C7orf78: variants seen among roughly 807,000 people sequenced by gnomAD.
C7orf78 encodes putative uncharacterized protein C7orf78.
At chr7:12,529,563 C>T in the C7orf78 span, among the ~76,000 whole-genome samples, 1 of 152,136 alleles carries the variant, frequency 6.6e-6, no homozygotes, top group African/African-American at 2.4e-5. Context: ...ACATGTGGCC[C>T]AAGGTGGTTA....
At chr7:12,536,895 G>A in the C7orf78 span, among the ~76,000 whole-genome samples, 1 of 152,216 alleles carries the variant, frequency 6.6e-6, no homozygotes, top group East Asian at 1.9e-4. Flanking sequence ...CTCCTTCTGA[G>A]ACGACCTCAG....
the C7orf78 span, among the ~76,000 whole-genome samples, chr7:12,520,031 G>A: frequency 1.3e-5 from 2 of 152,148 alleles, no homozygotes; most frequent in Non-Finnish European, 1.5e-5. Context: ...GGTTAATGTG[G>A]GTACAGGAGC....
At chr7:12,523,693 G>A in the C7orf78 span, among the ~76,000 whole-genome samples, 2 of 152,190 alleles carry the variant, frequency 1.3e-5, no homozygotes, top group South Asian at 4.1e-4. Flanking sequence ...GGCTTTCTTA[G>A]GTTTCAAGAG....
chr7:12,494,967 C>G, the C7orf78 span, among the ~76,000 whole-genome samples: 6 of 152,186 alleles, frequency 3.9e-5, no homozygotes, highest in Admixed American at 3.3e-4. Context: ...CAGTTGACAT[C>G]CAAACTCAGT....
At chr7:12,531,089 G>C in the C7orf78 span, 18 of 398,276 alleles carry the variant, frequency 4.5e-5, no homozygotes, top group Middle Eastern at 1.2e-3. Context: ...ATATGCAAGA[G>C]CAGGTGGGCA....
At chr7:12,537,579 G>A in the C7orf78 span, among the ~76,000 whole-genome samples, 1 of 152,162 alleles carries the variant, frequency 6.6e-6, no homozygotes, top group Non-Finnish European at 1.5e-5. Context: ...AAAGTTGGAT[G>A]TATACATACA....
chr7:12,534,948 A>G, the C7orf78 span, among the ~76,000 whole-genome samples: 2 of 142,654 alleles, frequency 1.4e-5, no homozygotes. Flanking sequence ...CCCTGTCTCA[A>G]AGAAAGGGAG....
chr7:12,519,850 A>G, the C7orf78 span, among the ~76,000 whole-genome samples: 1 of 152,276 alleles, frequency 6.6e-6, no homozygotes, highest in South Asian at 2.1e-4. Flanking sequence ...GGATGTGGAG[A>G]TGGGACAGCT....
chr7:12,521,281 A>G, the C7orf78 span, among the ~76,000 whole-genome samples: 3 of 151,834 alleles, frequency 2.0e-5, no homozygotes, highest in African/African-American at 7.3e-5. Context: ...TGTTTTGTAT[A>G]TATTATTTTT....
At chr7:12,535,904 G>C in the C7orf78 span, among the ~76,000 whole-genome samples, 1 of 152,226 alleles carries the variant, frequency 6.6e-6, no homozygotes, top group African/African-American at 2.4e-5. Flanking sequence ...GCTGACACAA[G>C]AGGTGAGTTC....
chr7:12,493,836 A>G, the C7orf78 span, among the ~76,000 whole-genome samples: 22 of 152,372 alleles, frequency 1.4e-4, 1 homozygote, highest in African/African-American at 5.3e-4. Flanking sequence ...AGATCAGTTA[A>G]GACCAAATAT....
the C7orf78 span, among the ~76,000 whole-genome samples, chr7:12,512,776 G>A: frequency 6.6e-6 from 1 of 152,098 alleles, no homozygotes; most frequent in African/African-American, 2.4e-5. Flanking sequence ...TACATGTTTA[G>A]TACAGTTTAG....
At chr7:12,524,990 G>A in the C7orf78 span, among the ~76,000 whole-genome samples, 1 of 152,102 alleles carries the variant, frequency 6.6e-6, no homozygotes, top group Non-Finnish European at 1.5e-5. Context: ...ACCACCAGAT[G>A]TCAGTATTGT....
At chr7:12,497,247 C>G in the C7orf78 span, among the ~76,000 whole-genome samples, 11 of 152,194 alleles carry the variant, frequency 7.2e-5, no homozygotes, top group Admixed American at 5.9e-4. Context: ...AGGAACAGCT[C>G]CGGTCTACAG....
chr7:12,500,606 A>G, the C7orf78 span, among the ~76,000 whole-genome samples: 2 of 151,712 alleles, frequency 1.3e-5, no homozygotes, highest in Non-Finnish European at 2.9e-5. Context: ...CCAACCAAAA[A>G]GAGTCCAGGA....
At chr7:12,488,744 A>T in the C7orf78 span, among the ~76,000 whole-genome samples, 1 of 152,100 alleles carries the variant, frequency 6.6e-6, no homozygotes, top group Admixed American at 6.6e-5. Context: ...TTTATCTAAG[A>T]AGTGAAATTC....
At chr7:12,500,170 A>G in the C7orf78 span, among the ~76,000 whole-genome samples, 1 of 149,792 alleles carries the variant, frequency 6.7e-6, no homozygotes, top group Non-Finnish European at 1.5e-5. Context: ...AATTAAAAGA[A>G]CTAGAAAAGC....
chr7:12,519,261 T>C, the C7orf78 span, among the ~76,000 whole-genome samples: 1 of 152,110 alleles, frequency 6.6e-6, no homozygotes, highest in Admixed American at 6.5e-5. Context: ...GTGAGTGAGC[T>C]TTAACACAGG....
At chr7:12,514,475 C>T in the C7orf78 span, among the ~76,000 whole-genome samples, 1 of 151,756 alleles carries the variant, frequency 6.6e-6, no homozygotes, top group Non-Finnish European at 1.5e-5. Context: ...ATAGTTGAAT[C>T]ATGTTTTTGT....
Sources: gnomAD v4.1 joint callset for allele counts (sites outside exome capture counted in the v4.1 genomes callset) on GRCh38, gnomAD v4.1.1 for gene constraint, MANE v1.5 for transcripts, NCBI Gene and HGNC (gene_info 2026-07-23, HGNC 2026-07-21) for gene names.